The following TRPC6 variants were observed in gnomAD, a reference collection of about 807,000 sequenced individuals.
TRPC6 encodes the protein short transient receptor potential channel 6.
In TRPC6, 55 loss-of-function variants were observed where a neutral mutation model predicts 90.7. That is an observed-to-expected ratio of 0.61 (90% CI 0.49 to 0.76). The LOEUF (loss-of-function observed/expected upper bound fraction) is 0.76. Among genes scored for constraint, TRPC6 ranks in the 30% least tolerant of loss-of-function variants. TRPC6 has a pLI of 0.00. For synonymous variants in TRPC6, 393 were observed against 393.0 expected, an observed-to-expected ratio of 1.00 and a Z score of 0.00; for missense variants, 989 against 1,122.7, an observed-to-expected ratio of 0.88 and a Z score of 1.70.
intron 2 of TRPC6, among the ~76,000 whole-genome samples, chr11:101,499,586 G>GTGATATATATATA (rs146159741): frequency 0.057 from 2,540 of 44,934 alleles, 350 homozygotes; most frequent in Non-Finnish European, 0.068. Context: ...GTATATATAC[G>GTGATATATATATA]TATATATATA....
At chr11:101,511,731 C>T (rs938748254) in intron 1 of TRPC6, among the ~76,000 whole-genome samples, 1 of 152,094 alleles carries the variant, frequency 6.6e-6, no homozygotes, top group Non-Finnish European at 1.5e-5. Flanking sequence ...GTGGCTCACG[C>T]CTGTAATCCC....
chr11:101,473,843 T>C, intron 6 of TRPC6, 70 bp from the exon 7 acceptor site: 1 of 1,601,582 alleles, frequency 6.2e-7, no homozygotes, highest in African/African-American at 1.3e-5. Flanking sequence ...CTTCTTTTTC[T>C]GCGAAAGAAA....
chr11:101,511,935 G>A (rs1565224623), intron 1 of TRPC6, among the ~76,000 whole-genome samples: 1 of 152,146 alleles, frequency 6.6e-6, no homozygotes, highest in Non-Finnish European at 1.5e-5. Flanking sequence ...AGAGGTTGCA[G>A]TGAGCCGAGA....
Position 101,556,933 on chromosome 11 carries a change from A to C in TRPC6, c.170+26401T>G, listed in dbSNP as rs560258420. Among the ~76,000 whole-genome samples the C allele has an allele frequency of 3.3e-5, 5 of 152,352 alleles. No individual in the cohort carries two copies. The South Asian group carries it at 8.3e-4, about 25-fold the overall frequency. Reference sequence around the variant, plus strand: ...CAAATTAATAAATGTGATCCATTACATTGAAAAACAAAAGGACAAAAAACC... The same window carrying C: ...CAAATTAATAAATGTGATCCATTACCTTGAAAAACAAAAGGACAAAAAACC... On this transcript the variant is annotated intron_variant, in intron 1 of 12. Transcript: ENST00000344327.
At chr11:101,510,669 C>T (rs1446386784) in intron 1 of TRPC6, among the ~76,000 whole-genome samples, 3 of 152,108 alleles carry the variant, frequency 2.0e-5, no homozygotes. Context: ...GTCATGAAAA[C>T]CATGTTTTTA....
At chr11:101,569,447 TAGAG>T (rs1861908047) in intron 1 of TRPC6, among the ~76,000 whole-genome samples, 3 of 152,108 alleles carry the variant, frequency 2.0e-5, no homozygotes, top group Non-Finnish European at 4.4e-5. Context: ...CTGTCAATAT[TAGAG>T]AGATCAAAGA....
At position 101,583,599 on chromosome 11, in the gene TRPC6, G is replaced by A. The variant is rs201997708; in HGVS notation, c.-96C>T. On this transcript the variant is annotated 5_prime_UTR_variant, in exon 1 of 13. Transcript: ENST00000344327. ...GTGCGGAGGGTTCGCGTCAGCGGCC[G>A]AACTGGACCTGGGCAGACCGGTGCC... 4 of 1,337,754 alleles carry A rather than the reference G, an allele frequency of 3.0e-6. No homozygotes were observed. In the African/African-American group the frequency reaches 4.7e-5, roughly 16 times the overall value. 82.9% of individuals were successfully genotyped at this position (1,337,754 alleles called of 1,614,324 possible). A position where few individuals can be genotyped will look rare whatever the true frequency, so the allele number is the denominator to read the frequency against.
At position 101,510,710 on chromosome 11, in the gene TRPC6, T is replaced by C. The variant is rs1446458719; in HGVS notation, c.171-5912A>G. Among the ~76,000 whole-genome samples, 6 of 152,150 alleles carry C rather than the reference T, an allele frequency of 3.9e-5. No individual in the cohort carries two copies. In the East Asian group the frequency reaches 1.2e-3, roughly 29 times the overall value. ...CTCATTTTCCTGGTCCTTTTAGTAT[T>C]TGTTGCCCCAGATAGTGAGAGATGG... On this transcript the variant is annotated intron_variant, in intron 1 of 12. Coordinates refer to ENST00000344327, the MANE Select transcript of TRPC6 (RefSeq NM_004621.6).
intron 1 of TRPC6, among the ~76,000 whole-genome samples, chr11:101,506,426 G>A (rs75002973): frequency 0.015 from 2,297 of 152,244 alleles, 64 homozygotes; most frequent in African/African-American, 0.053. Context: ...CTGTGGCAGT[G>A]TGATGGACAG....
intron 3 of TRPC6, among the ~76,000 whole-genome samples, chr11:101,489,726 C>A (rs1859760914): frequency 6.6e-6 from 1 of 151,458 alleles, no homozygotes; most frequent in Non-Finnish European, 1.5e-5. Context: ...ACAAAAAGCA[C>A]TATCCCAAAA....
At chr11:101,527,882 G>A (rs1169671049) in intron 1 of TRPC6, among the ~76,000 whole-genome samples, 2 of 151,968 alleles carry the variant, frequency 1.3e-5, no homozygotes, top group South Asian at 2.1e-4. Context: ...GACCAGCCTG[G>A]CCAACATGGT....
In TRPC6 at chr11:101,504,287, G is replaced by A. The variant is rs1860200746; in HGVS notation, c.682C>T (p.His228Tyr). The change falls in exon 2 of 13, where the codon CAC becomes TAC. Residue 228 changes from histidine to tyrosine, a missense_variant. Physicochemically the swap from His to Tyr is moderately conservative, Grantham distance 83. Coordinates refer to ENST00000344327, the MANE Select transcript of TRPC6 (RefSeq NM_004621.6). ...TGCACAATTTCATATTCCTGGCAGT[G>A]GGCAGCCAGAATGATTGGAGTCACA... is the stretch of plus-strand genomic sequence containing the variant. ...HDVTPIILAAHCQEYEIVHTL... is the reference protein window; with the variant it reads ...HDVTPIILAAYCQEYEIVHTL... 1 of 1,613,038 alleles carries A rather than the reference G, an allele frequency of 6.2e-7. No homozygotes were observed. The highest frequency in any genetic ancestry group is 8.5e-7 in the Non-Finnish European group (1 of 1,179,082).
chr11:101,579,445 C>G (rs887470833), intron 1 of TRPC6, among the ~76,000 whole-genome samples: 2 of 152,132 alleles, frequency 1.3e-5, no homozygotes, highest in African/African-American at 4.8e-5. Context: ...AGTCCATGGT[C>G]CACTGACTCT....
intron 11 of TRPC6, 48 bp downstream of exon 11, chr11:101,454,970 T>C (rs1359992658): frequency 6.8e-7 from 1 of 1,469,328 alleles, no homozygotes. Context: ...TTCAAGAACC[T>C]AAATATTACA....
intron 1 of TRPC6, among the ~76,000 whole-genome samples, chr11:101,554,726 A>C (rs1861523916): frequency 6.6e-6 from 1 of 152,206 alleles, no homozygotes; most frequent in East Asian, 1.9e-4. Context: ...ACCAATCAAC[A>C]AAATTCTTTA....
In TRPC6 at chr11:101,482,973, T is replaced by C; in HGVS notation, c.1486A>G (p.Met496Val). The change falls in exon 5 of 13, where the codon ATG becomes GTG. Residue 496 changes from methionine to valine, a missense_variant. Coordinates refer to ENST00000344327, the MANE Select transcript of TRPC6 (RefSeq NM_004621.6). ...CCTATTACCCAGGATATAATGAGCA[T>C]CTCCATCCATGAGAAGCAGGATGTT... ...MKTSCFSWME[M>V]LIISWVIGMI... 1 of 1,613,968 alleles carries C rather than the reference T, an allele frequency of 6.2e-7. No individual in the cohort carries two copies. The highest frequency in any genetic ancestry group is 8.5e-7 in the Non-Finnish European group (1 of 1,179,874).
Position 101,504,521 on chromosome 11 carries a change from C to A in TRPC6, c.448G>T (p.Glu150Ter). The A allele has an allele frequency of 6.2e-7, 1 of 1,614,140 alleles. No homozygotes were observed. Residue 150 changes from glutamate (E) to a stop codon, truncating the protein, a stop_gained, in exon 2 of 13, where the codon GAA becomes TAA. Coordinates refer to ENST00000344327, the MANE Select transcript of TRPC6 (RefSeq NM_004621.6). LOFTEE classifies it high-confidence loss of function. ...AVANEHLEIT[E>*]LLLKKENLSR... ...AGGTTTTCTTTCTTGAGAAGAAGTT[C>A]TGTAATTTCCAGATGCTCATTGGCC...
chr11:101,503,765 CTAA>C lies in TRPC6; in HGVS notation c.945+256_945+258del, dbSNP rs139579949. Among the ~76,000 whole-genome samples the C allele has an allele frequency of 7.6e-3, 1,156 of 152,190 alleles. 8 individuals carry two copies. Among genetic ancestry groups the C allele is most frequent in the African/African-American group, 0.027 (1,104 of 41,528 alleles). ...CTTCATTTACCCATCTAGACAGGAA[CTAA>C]TAATAGCTTCTCAAGGGGAACGGAT... On this transcript the variant is annotated intron_variant, in intron 2 of 12. Coordinates refer to ENST00000344327, the MANE Select transcript of TRPC6 (RefSeq NM_004621.6).
chr11:101,509,702 A>G (rs1278548180), intron 1 of TRPC6, among the ~76,000 whole-genome samples: 1 of 152,088 alleles, frequency 6.6e-6, no homozygotes, highest in Non-Finnish European at 1.5e-5. Flanking sequence ...GGAACAGCAA[A>G]GATATTTCCG....
Sources: gnomAD v4.1 joint callset for allele counts (sites outside exome capture counted in the v4.1 genomes callset) on GRCh38, gnomAD v4.1.1 for gene constraint, MANE v1.5 for transcripts, NCBI Gene and HGNC (gene_info 2026-07-23, HGNC 2026-07-21) for gene names.